The following PLSCR4 variants were observed in gnomAD, a reference collection of about 807,000 sequenced individuals.
PLSCR4 encodes the protein phospholipid scramblase 4, also known as Ca(2+)-dependent phospholipid scramblase 4.
PLSCR4 carries 25 observed loss-of-function variants against 36.3 expected under a neutral mutation model. The ratio of observed to expected loss-of-function variants is 0.69; its 90% CI spans 0.50 to 0.96. PLSCR4 has a LOEUF of 0.96. Among genes scored for constraint, PLSCR4 ranks in the 40% least tolerant of loss-of-function variants. The pLI, the probability that PLSCR4 is intolerant of heterozygous loss-of-function variation, is 0.00. For missense variants in PLSCR4, 408 were observed against 414.7 expected (o/e 0.98, Z 0.14); for synonymous variants, 122 against 132.9 (o/e 0.92, Z 0.56).
At chr3:146,236,235 T>C (rs1049905421) in intron 1 of PLSCR4, among the ~76,000 whole-genome samples, 1 of 152,002 alleles carries the variant, frequency 6.6e-6, no homozygotes, top group African/African-American at 2.4e-5. Flanking sequence ...GCCCCTTCCA[T>C]CATAGGACTG....
At chr3:146,241,203 TG>T (rs2036136899) in intron 1 of PLSCR4, among the ~76,000 whole-genome samples, 2 of 152,302 alleles carry the variant, frequency 1.3e-5, no homozygotes, top group South Asian at 4.1e-4. Context: ...TTATTGGGCA[TG>T]GGTTTCTTTT....
intron 1 of PLSCR4, among the ~76,000 whole-genome samples, chr3:146,241,834 G>A (rs2036162232): frequency 6.6e-6 from 1 of 152,118 alleles, no homozygotes; most frequent in South Asian, 2.1e-4. Flanking sequence ...ATAATGTAAT[G>A]AGCTAGGAAT....
intron 1 of PLSCR4, among the ~76,000 whole-genome samples, chr3:146,248,779 T>C (rs1216112414): frequency 1.3e-5 from 2 of 152,172 alleles, no homozygotes; most frequent in Non-Finnish European, 2.9e-5. Flanking sequence ...GTTAAGTAAA[T>C]GAACATTTGT....
chr3:146,197,834 T>A (rs1374595315), intron 6 of PLSCR4, among the ~76,000 whole-genome samples: 1 of 152,154 alleles, frequency 6.6e-6, no homozygotes, highest in Non-Finnish European at 1.5e-5. Context: ...TCATAAATTA[T>A]TAAATTAAGG....
intron 3 of PLSCR4, among the ~76,000 whole-genome samples, chr3:146,215,272 G>A (rs34100380): frequency 0.036 from 5,502 of 151,878 alleles, 150 homozygotes; most frequent in South Asian, 0.072. Flanking sequence ...TTTATATTCA[G>A]TATTGTCTGG....
intron 3 of PLSCR4, among the ~76,000 whole-genome samples, chr3:146,218,860 TTAAATATAC>T: frequency 6.6e-6 from 1 of 152,338 alleles, no homozygotes; most frequent in South Asian, 2.1e-4. Flanking sequence ...CATTTTCTCT[TTAAATATAC>T]TAAATATAAC....
chr3:146,221,901 TAAC>T (rs2035162409), intron 2 of PLSCR4, among the ~76,000 whole-genome samples, 161 bp downstream of exon 2: 1 of 151,844 alleles, frequency 6.6e-6, no homozygotes, highest in Non-Finnish European at 1.5e-5. Context: ...TATACATAAA[TAAC>T]AAATATATAC....
At chr3:146,201,014 C>A in intron 5 of PLSCR4, 21 bp downstream of exon 5, 1 of 1,473,820 alleles carries the variant, frequency 6.8e-7, no homozygotes, top group Non-Finnish European at 9.2e-7. Flanking sequence ...TACTGCTGAG[C>A]ACTACAAAAA....
At chr3:146,230,998 T>TTTTA (rs2035687885) in intron 1 of PLSCR4, among the ~76,000 whole-genome samples, 1 of 152,124 alleles carries the variant, frequency 6.6e-6, no homozygotes, top group Admixed American at 6.5e-5. Flanking sequence ...ACAGGTAGTT[T>TTTTA]TTTAACCCTT....
chr3:146,241,136 G>GC (rs2036133813), intron 1 of PLSCR4, among the ~76,000 whole-genome samples: 1 of 152,086 alleles, frequency 6.6e-6, no homozygotes. Flanking sequence ...TCCAGAATAG[G>GC]CAAGTTTATA....
chr3:146,196,587 AT>A (rs2033754726), intron 7 of PLSCR4, 44 bp downstream of exon 7: 1 of 1,580,654 alleles, frequency 6.3e-7, no homozygotes, highest in Non-Finnish European at 8.7e-7. Flanking sequence ...GTCTGTTAAT[AT>A]GAGTAGGAAA....
rs139012801 is a variant in PLSCR4 at position 146,195,252 on chromosome 3, C to T, written c.817G>A (p.Gly273Ser). ...CCATTCCACTTCCGGATAATACTGCCGATGTTGGATATGCCATCAAGGGAT... is the reference window on the plus strand; with the variant it reads ...CCATTCCACTTCCGGATAATACTGCTGATGTTGGATATGCCATCAAGGGAT... ...VKSLDGISNI[G>S]SIIRKWNGLL... The change falls in exon 8 of 9, where the codon GGC becomes AGC. Residue 273 changes from glycine (G) to serine (S), a missense_variant. Coordinates refer to ENST00000354952, the MANE Select transcript of PLSCR4 (RefSeq NM_020353.3). 10 of 1,613,486 alleles carry T rather than the reference C, an allele frequency of 6.2e-6. No homozygotes were observed. Among genetic ancestry groups the T allele is most frequent in the African/African-American group, 5.3e-5 (4 of 74,862 alleles).
At chr3:146,204,465 C>T (rs1052383964) in intron 4 of PLSCR4, among the ~76,000 whole-genome samples, 3 of 151,842 alleles carry the variant, frequency 2.0e-5, no homozygotes, top group African/African-American at 7.3e-5. Flanking sequence ...ATTGATAATA[C>T]TATTTTATAG....
chr3:146,238,312 A>G (rs1398796284), intron 1 of PLSCR4, among the ~76,000 whole-genome samples: 1 of 152,038 alleles, frequency 6.6e-6, no homozygotes, highest in Non-Finnish European at 1.5e-5. Flanking sequence ...ATTTTATTTC[A>G]GTATGACCCT....
chr3:146,248,649 CAATCAATGGCTACAGAG>C (rs2036437903), intron 1 of PLSCR4, among the ~76,000 whole-genome samples: 1 of 152,120 alleles, frequency 6.6e-6, no homozygotes, highest in African/African-American at 2.4e-5. Flanking sequence ...AACCAATTCC[CAATCAATGGCTACAGAG>C]CTGTATCCAT....
chr3:146,209,587 C>T (rs1040195533), intron 3 of PLSCR4, among the ~76,000 whole-genome samples: 2 of 151,742 alleles, frequency 1.3e-5, no homozygotes, highest in Non-Finnish European at 2.9e-5. Flanking sequence ...TATGAGAATG[C>T]CATTACTGCA....
intron 1 of PLSCR4, among the ~76,000 whole-genome samples, chr3:146,223,455 G>A (rs2035269992): frequency 6.6e-6 from 1 of 152,086 alleles, no homozygotes; most frequent in Non-Finnish European, 1.5e-5. Flanking sequence ...CCCTGCTAAA[G>A]GCAAGTGCTT....
At chr3:146,207,690 T>C (rs553660673) in intron 3 of PLSCR4, among the ~76,000 whole-genome samples, 1 of 152,190 alleles carries the variant, frequency 6.6e-6, no homozygotes, top group East Asian at 1.9e-4. Context: ...GACTTCAATA[T>C]GTGAATTTGG....
At chr3:146,201,966 C>T (rs1055109162) in intron 4 of PLSCR4, among the ~76,000 whole-genome samples, 7 of 151,948 alleles carry the variant, frequency 4.6e-5, no homozygotes, top group African/African-American at 1.7e-4. Context: ...CCTGAAGTGC[C>T]ATATTTCACC....
Sources: gnomAD v4.1 joint callset for allele counts (sites outside exome capture counted in the v4.1 genomes callset) on GRCh38, gnomAD v4.1.1 for gene constraint, MANE v1.5 for transcripts, NCBI Gene and HGNC (gene_info 2026-07-23, HGNC 2026-07-21) for gene names.